The following BMP2K variants were observed in gnomAD, a reference collection of about 807,000 sequenced individuals.
The protein encoded by BMP2K is BMP-2-inducible protein kinase.
In BMP2K, 74 loss-of-function variants were observed where a neutral mutation model predicts 116.0. The observed-to-expected ratio is 0.64, with a 90% CI of 0.53 to 0.77. The LOEUF is 0.77. Ranked by LOEUF, BMP2K falls within the 30% of genes least tolerant of loss-of-function variation. The pLI is 0.00. For missense variants in BMP2K, 1,365 were observed against 1,403.6 expected (o/e 0.97, Z 0.44); for synonymous variants, 486 against 502.5 (o/e 0.97, Z 0.44).
intron 15 of BMP2K, among the ~76,000 whole-genome samples, chr4:78,909,950 T>A (rs1166423518): frequency 7.5e-6 from 1 of 132,500 alleles, no homozygotes. Context: ...TTTAGATTTG[T>A]TTTTAAAGGA....
rs908661584 is a variant in BMP2K, at chr4:78,843,622, A to T, written c.546+1095A>T. 3.9e-5 allele frequency among the ~76,000 whole-genome samples: 6 copies of T among 152,028 alleles called. 1 individual carries two copies. The highest frequency in any genetic ancestry group is 8.8e-5 in the Non-Finnish European group (6 of 67,838). On this transcript the variant is annotated intron_variant, in intron 4 of 15. Transcript: ENST00000502613. Reference sequence around the variant, plus strand: ...TAAAAATATAGGCTGTTAATCATGAAAGCATCATCTAGAAAACCTATGATG... The same window carrying T: ...TAAAAATATAGGCTGTTAATCATGATAGCATCATCTAGAAAACCTATGATG...
intron 15 of BMP2K, among the ~76,000 whole-genome samples, chr4:78,902,781 C>T (rs1339074744): frequency 2.0e-5 from 3 of 151,952 alleles, no homozygotes; most frequent in South Asian, 2.1e-4. Flanking sequence ...TCTAGAAGAG[C>T]GGTAATATGC....
intron 15 of BMP2K, among the ~76,000 whole-genome samples, chr4:78,901,621 T>C (rs2110095559): frequency 6.6e-6 from 1 of 152,286 alleles, no homozygotes; most frequent in East Asian, 1.9e-4. Context: ...TTCATTCCCT[T>C]TCCTGAAACC....
intron 15 of BMP2K, among the ~76,000 whole-genome samples, chr4:78,898,318 T>C (rs915696722): frequency 6.6e-6 from 1 of 152,050 alleles, no homozygotes; most frequent in Non-Finnish European, 1.5e-5. Flanking sequence ...AACATAACAT[T>C]TACAGATTGT....
rs1392613595 is a variant in BMP2K, at chr4:78,913,639, T to C, written c.*1606T>C. On this transcript the variant is annotated 3_prime_UTR_variant, in exon 16 of 16. Transcript: ENST00000502613. ...GAGTAATTTTATTAGGAATCTCTTA[T>C]AGTGCCCCAATGGGATAAGCTATTT... 3.3e-5 allele frequency: 5 copies of C among 152,310 alleles called. No homozygotes were observed. In the South Asian group the frequency reaches 6.2e-4, roughly 19 times the overall value. The allele number at this position is 152,310 out of a possible 1,614,324, so 9.4% of individuals were successfully genotyped here.
chr4:78,833,498 A>C, intron 2 of BMP2K, 84 bp from the exon 3 acceptor site: 1 of 877,452 alleles, frequency 1.1e-6, no homozygotes, highest in Non-Finnish European at 1.7e-6. Flanking sequence ...GAAATTCTTT[A>C]CATTAATTTA....
rs895398326 is a variant in BMP2K, at chr4:78,866,253, C to G, written c.1231+533C>G. On this transcript the variant is annotated intron_variant, in intron 10 of 15. Transcript: ENST00000502613. ...GTGGTACTTAAAAAAAATTTTTCCC[C>G]CCAAAGAAATGTCCGTAACATTTGA... is the stretch of plus-strand genomic sequence containing the variant. Among the ~76,000 whole-genome samples, 6 of 152,070 alleles carry G rather than the reference C, an allele frequency of 3.9e-5. No homozygotes were observed. The East Asian group carries it at 7.7e-4, about 20-fold the overall frequency.
chr4:78,791,049 A>G (rs1727972197), intron 1 of BMP2K, among the ~76,000 whole-genome samples: 1 of 151,512 alleles, frequency 6.6e-6, no homozygotes, highest in African/African-American at 2.4e-5. Context: ...TTGTTCCTTA[A>G]TATTTTTTTA....
intron 1 of BMP2K, among the ~76,000 whole-genome samples, chr4:78,796,608 T>C (rs1364877199): frequency 6.6e-6 from 1 of 152,160 alleles, no homozygotes; most frequent in African/African-American, 2.4e-5. Flanking sequence ...ACTTAATAGT[T>C]ATAAGGCCAC....
intron 14 of BMP2K, among the ~76,000 whole-genome samples, chr4:78,884,943 A>G (rs1733009435): frequency 6.6e-6 from 1 of 152,188 alleles, no homozygotes; most frequent in Non-Finnish European, 1.5e-5. Flanking sequence ...ACAACAAAAT[A>G]ATAAAAAGTT....
intron 1 of BMP2K, among the ~76,000 whole-genome samples, chr4:78,805,933 C>T (rs990583123): frequency 1.5e-4 from 23 of 152,066 alleles, no homozygotes; most frequent in Admixed American, 9.8e-4. Context: ...ATTGCACCAC[C>T]GCACTCTAGC....
chr4:78,908,303 G>T (rs1734387979), intron 15 of BMP2K, among the ~76,000 whole-genome samples: 1 of 152,152 alleles, frequency 6.6e-6, no homozygotes, highest in African/African-American at 2.4e-5. Context: ...GCCATTTTAT[G>T]TCCTTAGTTT....
intron 1 of BMP2K, among the ~76,000 whole-genome samples, chr4:78,798,224 A>C (rs1482828046): frequency 6.6e-6 from 1 of 152,220 alleles, no homozygotes; most frequent in Non-Finnish European, 1.5e-5. Flanking sequence ...AGTTTCCTCA[A>C]GTGCCAGTAA....
Position 78,870,985 on chromosome 4 carries a change from G to T in BMP2K, c.1434G>T (p.Gln478His). ...AACAGCAGCAGCAGCAACAGCAACA[G>T]CAGCAGCAGCAGCAGCAGCAGCAGC... Reference protein sequence around the residue: ...QQQQQQQQQQQQQQQQQQQHH... With the variant: ...QQQQQQQQQQHQQQQQQQQHH... The change falls in exon 11 of 16, where the codon CAG (glutamine) becomes CAT (histidine). Residue 478 changes from glutamine (Q) to histidine (H), a missense_variant. Physicochemically the swap from Gln to His is conservative, Grantham distance 24. This residue lies in a region of BMP2K where 762 missense variants were observed against 756.7 expected (regional missense o/e 1.01). Transcript: ENST00000502613. The T allele has an allele frequency of 7.0e-7, 1 of 1,427,686 alleles. No homozygotes were observed. Among genetic ancestry groups the T allele is most frequent in the Non-Finnish European group, 9.6e-7 (1 of 1,042,594 alleles). The allele number at this position is 1,427,686 out of a possible 1,614,324, so 88.4% of individuals were successfully genotyped here. A position where few individuals can be genotyped will look rare whatever the true frequency, so the allele number is the denominator to read the frequency against.
At chr4:78,789,996 C>T (rs1405679698) in intron 1 of BMP2K, among the ~76,000 whole-genome samples, 2 of 152,030 alleles carry the variant, frequency 1.3e-5, no homozygotes, top group Non-Finnish European at 2.9e-5. Context: ...ATGTGGTGTT[C>T]AAAGTAAAAA....
chr4:78,888,799 ATCTT>A (rs1733251361), intron 15 of BMP2K, among the ~76,000 whole-genome samples: 1 of 152,206 alleles, frequency 6.6e-6, no homozygotes, highest in Non-Finnish European at 1.5e-5. Flanking sequence ...TGAATTGTCT[ATCTT>A]TGAATCCTGC....
chr4:78,808,044 T>G (rs1728907173), intron 1 of BMP2K, among the ~76,000 whole-genome samples: 1 of 152,008 alleles, frequency 6.6e-6, no homozygotes, highest in African/African-American at 2.4e-5. Flanking sequence ...ATGTCTTGGC[T>G]TTTCCTAGGT....
chr4:78,887,032 C>G (rs376356746), intron 14 of BMP2K, 142 bp from the exon 15 acceptor site: 1 of 601,222 alleles, frequency 1.7e-6, no homozygotes, highest in Non-Finnish European at 2.9e-6. Context: ...CTAATACTTA[C>G]AGTGATAGAT....
chr4:78,873,010 G>A (rs1732447895), intron 13 of BMP2K, among the ~76,000 whole-genome samples: 1 of 152,078 alleles, frequency 6.6e-6, no homozygotes. Context: ...TGTAGGTAAG[G>A]TGTAGCAACA....
Sources: gnomAD v4.1 joint callset for allele counts (sites outside exome capture counted in the v4.1 genomes callset) on GRCh38, gnomAD v4.1.1 for gene constraint, gnomAD v4.1.1 regional missense constraint, MANE v1.5 for transcripts, NCBI Gene and HGNC (gene_info 2026-07-23, HGNC 2026-07-21) for gene names.